The following PRKN variants were observed in gnomAD, a reference collection of about 807,000 sequenced individuals.
PRKN encodes E3 ubiquitin-protein ligase parkin.
In PRKN, 56 loss-of-function variants were observed where a neutral mutation model predicts 59.5. The observed-to-expected ratio is 0.94, with a 90% CI of 0.76 to 1.18. The LOEUF is 1.18. Ranked by LOEUF, PRKN falls within the 50% of genes most tolerant of loss-of-function variation. PRKN has a pLI of 0.00. For missense variants in PRKN, 657 were observed against 596.4 expected (o/e 1.10, Z -1.06); for synonymous variants, 250 against 222.1 (o/e 1.13, Z -1.12).
intron 2 of PRKN, among the ~76,000 whole-genome samples, chr6:162,421,499 A>C (rs1331534085): frequency 2.0e-5 from 3 of 152,164 alleles, no homozygotes; most frequent in African/African-American, 7.2e-5. Flanking sequence ...ATGTTAACCT[A>C]TTATGTACTC....
At chr6:162,166,758 C>A (rs1189924994) in intron 4 of PRKN, among the ~76,000 whole-genome samples, 1 of 152,156 alleles carries the variant, frequency 6.6e-6, no homozygotes, top group Non-Finnish European at 1.5e-5. Context: ...CCTTACCCAA[C>A]AGCATGAAGA....
intron 4 of PRKN, among the ~76,000 whole-genome samples, chr6:162,107,067 T>C (rs1418081770): frequency 6.6e-6 from 1 of 152,236 alleles, no homozygotes; most frequent in Non-Finnish European, 1.5e-5. Context: ...GAGGTGAGCG[T>C]AGGGTTAGAA....
At chr6:161,495,161 G>A (rs1459543815) in intron 9 of PRKN, among the ~76,000 whole-genome samples, 1 of 152,040 alleles carries the variant, frequency 6.6e-6, no homozygotes, top group Non-Finnish European at 1.5e-5. Context: ...ATTCTTCTAT[G>A]GTATTAAGTC....
In PRKN at chr6:161,487,674, G is replaced by T. The variant is rs1411488680; in HGVS notation, c.1083+61180C>A. ...CTGATATGATAATATGTGTATTCAT[G>T]TAGGAGGTAGGGGTTGTGCCTTCTT... is the stretch of plus-strand genomic sequence containing the variant. On this transcript the variant is annotated intron_variant, in intron 9 of 11. Coordinates refer to ENST00000366898, the MANE Select transcript of PRKN (RefSeq NM_004562.3). The surrounding 1 kb of genome is among the most constrained non-coding windows in gnomAD (Gnocchi z 5.3). Among the ~76,000 whole-genome samples the T allele has an allele frequency of 6.6e-6, 1 of 152,130 alleles. No homozygotes were observed. The highest frequency in any genetic ancestry group is 1.5e-5 in the Non-Finnish European group (1 of 68,006).
chr6:161,769,561 G>A (rs1789576559), intron 7 of PRKN, among the ~76,000 whole-genome samples: 1 of 152,056 alleles, frequency 6.6e-6, no homozygotes, highest in African/African-American at 2.4e-5. Context: ...CTTTTCTCTG[G>A]TTCCTAGGCC....
chr6:161,499,551 T>C lies in PRKN; in HGVS notation c.1083+49303A>G, dbSNP rs1387984995. ...TTCTAGCCTCTTGCATCTACCTCTA[T>C]GGTTTGACTTCTGAAAATGTGGTCC... On this transcript the variant is annotated intron_variant, in intron 9 of 11. Coordinates refer to ENST00000366898, the MANE Select transcript of PRKN (RefSeq NM_004562.3). This position sits in a 1 kb window ranked among gnomAD's most constrained non-coding sequence, Gnocchi z 4.2. Among the ~76,000 whole-genome samples, 2 of 152,202 alleles carry C rather than the reference T, an allele frequency of 1.3e-5. No individual in the cohort carries two copies. Among genetic ancestry groups the C allele is most frequent in the Admixed American group, 1.3e-4 (2 of 15,282 alleles).
chr6:161,505,135 C>T (rs1778112611), intron 9 of PRKN, among the ~76,000 whole-genome samples: 1 of 152,088 alleles, frequency 6.6e-6, no homozygotes, highest in African/African-American at 2.4e-5. Context: ...GTTTACAGTC[C>T]CACCAACAGT....
rs567818863 is a variant in PRKN, at chr6:162,133,225, T to C, written c.534+67906A>G. Among the ~76,000 whole-genome samples, 4 of 152,254 alleles carry C rather than the reference T, an allele frequency of 2.6e-5. No homozygotes were observed. In the East Asian group the frequency reaches 7.7e-4, roughly 29 times the overall value. ...AGGAGGCTGCTGCCTGGAGGCACCATGAGGGATGATGGTGTTTGAACAAGA... is the reference window on the plus strand; with the variant it reads ...AGGAGGCTGCTGCCTGGAGGCACCACGAGGGATGATGGTGTTTGAACAAGA... On this transcript the variant is annotated intron_variant, in intron 4 of 11. Transcript: ENST00000366898.
chr6:161,887,878 T>C (rs1795213324), intron 6 of PRKN, among the ~76,000 whole-genome samples: 1 of 152,234 alleles, frequency 6.6e-6, no homozygotes. Flanking sequence ...AGTTGAACTC[T>C]GGAGCAAACA....
In PRKN at chr6:162,664,362, A is replaced by G. The variant is rs1007126135; in HGVS notation, c.7+63300T>C. ...AGTGCCGCAATAAACATACGTGTAC[A>G]TATGTCTTTATAGCAGAATGATTTA... On this transcript the variant is annotated intron_variant, in intron 1 of 11. Transcript: ENST00000366898. 4.6e-5 allele frequency among the ~76,000 whole-genome samples: 7 copies of G among 152,164 alleles called. No homozygotes were observed. In the East Asian group the frequency reaches 7.7e-4, roughly 17 times the overall value.
intron 4 of PRKN, among the ~76,000 whole-genome samples, chr6:162,194,919 G>A (rs1011712740): frequency 1.3e-5 from 2 of 152,208 alleles, no homozygotes; most frequent in East Asian, 1.9e-4. Context: ...GAGAGTGGGC[G>A]TGAAAAGGAG....
At chr6:161,570,124 T>TAAAAAAAAAAAAAAAAAAAA (rs55699586) in intron 7 of PRKN, among the ~76,000 whole-genome samples, 1 of 51,422 alleles carries the variant, frequency 1.9e-5, no homozygotes, top group Admixed American at 2.8e-4. Flanking sequence ...AGTAAATAGG[T>TAAAAAAAAAAAAAAAAAAAA]AAAAAAAAAA....
chr6:162,517,643 A>T (rs754684549), intron 1 of PRKN, among the ~76,000 whole-genome samples: 2 of 152,090 alleles, frequency 1.3e-5, no homozygotes, highest in Non-Finnish European at 2.9e-5. Flanking sequence ...TGCGTCCTTG[A>T]TAAAATAATC....
intron 7 of PRKN, among the ~76,000 whole-genome samples, chr6:161,607,482 A>G (rs1350737549): frequency 2.6e-5 from 4 of 152,182 alleles, no homozygotes; most frequent in Non-Finnish European, 4.4e-5. Context: ...TAGATAAGAT[A>G]ATGGTATAAA....
chr6:162,718,662 G>A (rs542423449), intron 1 of PRKN, among the ~76,000 whole-genome samples: 16 of 151,880 alleles, frequency 1.1e-4, no homozygotes, highest in African/African-American at 3.9e-4. Flanking sequence ...ACAGTGAGCC[G>A]CGATCACGCC....
intron 7 of PRKN, among the ~76,000 whole-genome samples, chr6:161,647,232 T>A (rs10945763): frequency 0.5 from 76,096 of 152,152 alleles, 21,968 homozygotes; most frequent in African/African-American, 0.81. Flanking sequence ...AGCCTTTTCA[T>A]ATATTGTTTC....
chr6:162,418,876 G>T (rs1788799188), intron 2 of PRKN, among the ~76,000 whole-genome samples: 1 of 151,944 alleles, frequency 6.6e-6, no homozygotes, highest in East Asian at 2.0e-4. Flanking sequence ...GGAGGGAGAA[G>T]CCAGCTAGAA....
intron 6 of PRKN, among the ~76,000 whole-genome samples, chr6:161,863,892 T>A (rs1385155265): frequency 6.6e-6 from 1 of 152,256 alleles, no homozygotes; most frequent in African/African-American, 2.4e-5. Flanking sequence ...CATAGTCATA[T>A]TAAGTGTACA....
chr6:162,633,231 C>T (rs936530901), intron 1 of PRKN, among the ~76,000 whole-genome samples: 2 of 151,248 alleles, frequency 1.3e-5, no homozygotes, highest in South Asian at 4.2e-4. Flanking sequence ...GTAAGGAGTT[C>T]GAGACCAGCC....
Sources: allele counts gnomAD v4.1 joint callset (sites outside exome capture counted in the v4.1 genomes callset), GRCh38; gene constraint gnomAD v4.1.1; non-coding constraint Gnocchi (gnomAD v3.1); transcripts MANE v1.5; gene names NCBI Gene and HGNC (gene_info 2026-07-23, HGNC 2026-07-21).